KIF16B: variants seen among roughly 807,000 people sequenced by gnomAD.
KIF16B encodes the protein kinesin-like protein KIF16B.
A neutral mutation model predicts 156.3 loss-of-function variants in KIF16B; 98 were observed. That is an observed-to-expected ratio of 0.63 (90% CI 0.53 to 0.74). The LOEUF (loss-of-function observed/expected upper bound fraction) is 0.74, where lower values mean the gene tolerates loss of function less well. Ranked by LOEUF, KIF16B falls within the 30% of genes least tolerant of loss-of-function variation. The pLI is 0.00. For missense variants in KIF16B, 1,421 were observed against 1,606.5 expected, an observed-to-expected ratio of 0.88 and a Z score of 1.97; for synonymous variants, 564 against 583.7, an observed-to-expected ratio of 0.97 and a Z score of 0.49.
intron 1 of KIF16B, among the ~76,000 whole-genome samples, chr20:16,529,181 G>GC (rs2069658283): frequency 6.6e-6 from 1 of 152,014 alleles, no homozygotes; most frequent in Non-Finnish European, 1.5e-5. Context: ...AGGCTACCTA[G>GC]GAAAAAAAGG....
At chr20:16,481,400 A>G (rs1424855015) in intron 12 of KIF16B, among the ~76,000 whole-genome samples, 1 of 152,038 alleles carries the variant, frequency 6.6e-6, no homozygotes, top group African/African-American at 2.4e-5. Context: ...TATGTTGCCC[A>G]GGCTGGTCTC....
chr20:16,559,600 C>T (rs1296194957), intron 1 of KIF16B, among the ~76,000 whole-genome samples: 2 of 136,968 alleles, frequency 1.5e-5, no homozygotes, highest in African/African-American at 5.6e-5. Flanking sequence ...GAGACCCCAT[C>T]TCTACAAAAA....
chr20:16,273,439 T>C (rs199792531), intron 25 of KIF16B, 28 bp from the exon 26 acceptor site: 3 of 1,611,042 alleles, frequency 1.9e-6, no homozygotes, highest in South Asian at 1.1e-5. Context: ...GTTAAGAACA[T>C]GGTCAATTGG....
chr20:16,314,157 T>C (rs367749352), intron 24 of KIF16B, among the ~76,000 whole-genome samples: 3 of 152,234 alleles, frequency 2.0e-5, no homozygotes, highest in African/African-American at 7.2e-5. Flanking sequence ...TGGTTCATAT[T>C]TGCATTTCTC....
intron 12 of KIF16B, among the ~76,000 whole-genome samples, chr20:16,467,306 G>C (rs1326043205): frequency 6.6e-6 from 1 of 151,990 alleles, no homozygotes; most frequent in African/African-American, 2.4e-5. Context: ...GTCCCCCCAC[G>C]CCTCACCACC....
chr20:16,336,062 T>C, intron 23 of KIF16B, 47 bp from the exon 24 acceptor site: 1 of 1,147,192 alleles, frequency 8.7e-7, no homozygotes, highest in Non-Finnish European at 1.3e-6. Flanking sequence ...GAAGCAAAAG[T>C]CACTAAAATT....
intron 25 of KIF16B, among the ~76,000 whole-genome samples, chr20:16,281,689 A>T (rs879758032): frequency 3.3e-5 from 5 of 152,088 alleles, no homozygotes; most frequent in Non-Finnish European, 5.9e-5. Flanking sequence ...TGGGTAACTC[A>T]TCCATCCAGC....
chr20:16,468,974 T>C (rs923408910), intron 12 of KIF16B, among the ~76,000 whole-genome samples: 3 of 152,038 alleles, frequency 2.0e-5, no homozygotes, highest in African/African-American at 7.2e-5. Context: ...TAAAGGAACA[T>C]GGGCACAGTG....
intron 1 of KIF16B, among the ~76,000 whole-genome samples, chr20:16,554,447 C>T (rs970693089): frequency 7.9e-5 from 12 of 152,342 alleles, no homozygotes; most frequent in Non-Finnish European, 1.5e-4. Context: ...GCTGAACGCT[C>T]ATCGGGACAC....
At chr20:16,555,123 C>A (rs1044794888) in intron 1 of KIF16B, among the ~76,000 whole-genome samples, 1 of 152,178 alleles carries the variant, frequency 6.6e-6, no homozygotes, top group African/African-American at 2.4e-5. Context: ...CAAAATGACA[C>A]CCCAAGGATC....
chr20:16,498,017 T>C (rs563299450), intron 10 of KIF16B, among the ~76,000 whole-genome samples: 22 of 152,272 alleles, frequency 1.4e-4, no homozygotes, highest in Middle Eastern at 6.8e-3. Context: ...GAGTCCAACA[T>C]TCAAAAGGGA....
At chr20:16,367,501 G>A in intron 22 of KIF16B, 1 of 1,612,850 alleles carries the variant, frequency 6.2e-7, no homozygotes, top group Non-Finnish European at 8.5e-7. Context: ...CTTCACCAGT[G>A]CAATGTGGGT....
intron 1 of KIF16B, among the ~76,000 whole-genome samples, chr20:16,572,622 T>C (rs1261361785): frequency 6.6e-6 from 1 of 152,258 alleles, no homozygotes; most frequent in African/African-American, 2.4e-5. Context: ...CAAGATTAAA[T>C]TTTGTGTGTA....
Position 16,445,223 on chromosome 20 carries a change from A to C in KIF16B, c.1303-15241T>G, listed in dbSNP as rs111722458. 8.9e-4 allele frequency among the ~76,000 whole-genome samples: 135 copies of C among 152,124 alleles called. 2 individuals carry two copies. The highest frequency in any genetic ancestry group is 2.4e-3 in the African/African-American group (100 of 41,510). On this transcript the variant is annotated intron_variant, in intron 12 of 25. Transcript: ENST00000354981. The stretch of plus-strand genomic sequence containing the variant: ...TAAAGGAAAGAAGGAAAAGAAAAAA[A>C]AAGAATACATGAGCACATATATTTA...
intron 12 of KIF16B, 28 bp from the exon 13 acceptor site, chr20:16,430,010 A>G (rs2066457165): frequency 6.3e-7 from 1 of 1,588,544 alleles, no homozygotes; most frequent in African/African-American, 1.4e-5. Context: ...AGAAAAAGAA[A>G]AGGTTACTTT....
At chr20:16,419,376 C>T (rs2066169804) in intron 15 of KIF16B, among the ~76,000 whole-genome samples, 1 of 152,102 alleles carries the variant, frequency 6.6e-6, no homozygotes, top group Non-Finnish European at 1.5e-5. Context: ...TTGGCTAAAC[C>T]ACTGGGAGAT....
At chr20:16,282,055 A>T (rs1281822787) in intron 25 of KIF16B, among the ~76,000 whole-genome samples, 3 of 131,366 alleles carry the variant, frequency 2.3e-5, no homozygotes, top group Non-Finnish European at 4.7e-5. Context: ...TTTTTGAGAC[A>T]GAGTCTCACT....
intron 17 of KIF16B, among the ~76,000 whole-genome samples, chr20:16,391,163 A>T (rs2065355334): frequency 6.6e-6 from 1 of 152,216 alleles, no homozygotes; most frequent in Admixed American, 6.5e-5. Flanking sequence ...GAAGCTATAC[A>T]GAGCCTCAGC....
At chr20:16,434,338 G>A (rs895286419) in intron 12 of KIF16B, among the ~76,000 whole-genome samples, 18 of 152,134 alleles carry the variant, frequency 1.2e-4, no homozygotes, top group African/African-American at 4.3e-4. Flanking sequence ...GGCTCAATGC[G>A]CAAGGCCCGT....
Sources: gnomAD v4.1 joint callset for allele counts (sites outside exome capture counted in the v4.1 genomes callset) on GRCh38, gnomAD v4.1.1 for gene constraint, MANE v1.5 for transcripts, NCBI Gene and HGNC (gene_info 2026-07-23, HGNC 2026-07-21) for gene names.